The following WFDC8 variants were observed in gnomAD, a reference collection of about 807,000 sequenced individuals.
The protein encoded by WFDC8 is WAP four-disulfide core domain protein 8.
Under a neutral mutation model 27.0 loss-of-function variants are expected in WFDC8, and 24 were observed. That is an observed-to-expected ratio of 0.89 (90% CI 0.64 to 1.25). The LOEUF (loss-of-function observed/expected upper bound fraction) is 1.25. Among genes scored for constraint, WFDC8 ranks in the 50% most tolerant of loss-of-function variants. The pLI is 0.00. For synonymous variants in WFDC8, 106 were observed against 99.7 expected, an observed-to-expected ratio of 1.06 and a Z score of -0.38; for missense variants, 287 against 295.9, an observed-to-expected ratio of 0.97 and a Z score of 0.22.
At chr20:45,575,832 C>T (rs1163957831) in intron 1 of WFDC8, among the ~76,000 whole-genome samples, 2 of 151,294 alleles carry the variant, frequency 1.3e-5, no homozygotes, top group Non-Finnish European at 3.0e-5. Flanking sequence ...GCCCTGTTTC[C>T]ATGGCTGAGA....
intron 1 of WFDC8, among the ~76,000 whole-genome samples, chr20:45,563,589 G>A (rs1434570180): frequency 6.6e-6 from 1 of 152,170 alleles, no homozygotes; most frequent in Admixed American, 6.6e-5. Flanking sequence ...GTAAATCAGT[G>A]TTTATTGTAT....
At position 45,551,851 on chromosome 20, in the gene WFDC8, A is replaced by C; in HGVS notation, c.*175T>G. 2.5e-6 allele frequency: 2 copies of C among 792,674 alleles called. No individual in the cohort carries two copies. The allele number at this position is 792,674 out of a possible 1,614,324, so 49.1% of individuals were successfully genotyped here. A position where few individuals can be genotyped will look rare whatever the true frequency, so the allele number is the denominator to read the frequency against. On this transcript the variant is annotated 3_prime_UTR_variant, in exon 6 of 6. Coordinates refer to ENST00000289953, the MANE Select transcript of WFDC8 (RefSeq NM_130896.3). ...AAATAAAGTCATGAAGTTGAAAAAA[A>C]GCCAAATATATCATCACTTTCAGAT...
chr20:45,554,387 G>A (rs1417545510), intron 4 of WFDC8, among the ~76,000 whole-genome samples: 1 of 152,120 alleles, frequency 6.6e-6, no homozygotes, highest in Non-Finnish European at 1.5e-5. Flanking sequence ...TGGAGATGTA[G>A]AGCAGATAGT....
rs373025670 is a variant in WFDC8, at chr20:45,579,234, C to A, written c.14G>T (p.Arg5Leu). The part of the protein sequence containing the change: MWTV[R>L]TEGGHFPLHS... ...ACACCCTCCTCACCCTCCTTCAGTT[C>A]GGACAGTCCACATCAGGCCTCTTCC... The change falls in exon 1 of 6, where the codon CGA (arginine) becomes CTA (leucine). Residue 5 changes from arginine to leucine, a missense_variant. Arg to Leu is a moderately radical substitution (Grantham distance 102). Transcript: ENST00000289953. The A allele has an allele frequency of 1.8e-5, 29 of 1,613,802 alleles. No homozygotes were observed. Among genetic ancestry groups the A allele is most frequent in the African/African-American group, 2.7e-5 (2 of 74,838 alleles).
At chr20:45,571,370 AATT>A (rs1231603804) in intron 1 of WFDC8, among the ~76,000 whole-genome samples, 7 of 152,114 alleles carry the variant, frequency 4.6e-5, no homozygotes, top group South Asian at 2.1e-4. Flanking sequence ...GACTAATAAT[AATT>A]ATTTATATTT....
At chr20:45,568,034 G>A (rs1980739961) in intron 1 of WFDC8, 4 of 301,502 alleles carry the variant, frequency 1.3e-5, no homozygotes, top group South Asian at 4.4e-5. Context: ...ACTTGCTACT[G>A]CTCTAGTTCA....
chr20:45,576,035 C>T (rs1312041562), intron 1 of WFDC8, among the ~76,000 whole-genome samples: 1 of 151,412 alleles, frequency 6.6e-6, no homozygotes, highest in Admixed American at 6.6e-5. Flanking sequence ...TAAGCCTCGT[C>T]CAAAGATATT....
Position 45,560,712 on chromosome 20 carries a change from G to A in WFDC8, c.136+1398C>T, listed in dbSNP as rs531449371. On this transcript the variant is annotated intron_variant, in intron 2 of 5. Transcript: ENST00000289953. ...TTACAATCCAGGACTCACTTCAGGA[G>A]CCCCACGTCTTCCCTGAGGACTGGC... 3.3e-5 allele frequency among the ~76,000 whole-genome samples: 5 copies of A among 152,326 alleles called. No homozygotes were observed. The East Asian group carries it at 9.6e-4, about 29-fold the overall frequency.
chr20:45,559,026 T>C, intron 2 of WFDC8, 34 bp from the exon 3 acceptor site: 1 of 1,611,294 alleles, frequency 6.2e-7, no homozygotes, highest in Non-Finnish European at 8.5e-7. Flanking sequence ...TCACATTCTT[T>C]CGGAATTTCA....
intron 1 of WFDC8, among the ~76,000 whole-genome samples, chr20:45,572,662 A>C (rs1337368547): frequency 2.0e-5 from 3 of 152,192 alleles, no homozygotes; most frequent in African/African-American, 7.2e-5. Flanking sequence ...GCTGGAGTGC[A>C]GTGGTGTGAT....
chr20:45,567,110 G>A (rs76717557), intron 1 of WFDC8, among the ~76,000 whole-genome samples: 10 of 151,914 alleles, frequency 6.6e-5, no homozygotes, highest in Admixed American at 2.0e-4. Context: ...GATGCAGAAC[G>A]TGTGGATATG....
chr20:45,551,336 G>A (rs1420042072), downstream of WFDC8: 1 of 152,058 alleles, frequency 6.6e-6, no homozygotes, highest in African/African-American at 2.4e-5. Context: ...GGCTTAAAAA[G>A]GAAATAACTG....
intron 2 of WFDC8, among the ~76,000 whole-genome samples, chr20:45,561,739 C>CGT (rs10534885): frequency 0.24 from 35,068 of 147,098 alleles, 4,217 homozygotes; most frequent in East Asian, 0.38. Context: ...ATTAAACTTG[C>CGT]GTGTGTGTGT....
chr20:45,573,127 C>T (rs1054912739), intron 1 of WFDC8, among the ~76,000 whole-genome samples: 1 of 152,154 alleles, frequency 6.6e-6, no homozygotes, highest in African/African-American at 2.4e-5. Flanking sequence ...TTAATGTAAT[C>T]TCACTTGTCT....
chr20:45,568,382 C>T (rs1980756013), intron 1 of WFDC8: 1 of 260,678 alleles, frequency 3.8e-6, no homozygotes, highest in East Asian at 8.3e-5. Context: ...CTAGCACTCT[C>T]CTCATGGAGG....
intron 2 of WFDC8, among the ~76,000 whole-genome samples, chr20:45,559,277 T>C (rs764888881): frequency 6.0e-4 from 92 of 152,108 alleles, no homozygotes; most frequent in Non-Finnish European, 1.0e-3. Flanking sequence ...ATTCAAAAGA[T>C]TTTCTCTCTT....
chr20:45,578,773 T>C (rs1417968283), intron 1 of WFDC8, among the ~76,000 whole-genome samples: 5 of 152,338 alleles, frequency 3.3e-5, no homozygotes, highest in African/African-American at 1.2e-4. Context: ...AATGTTTAGA[T>C]ACATATTATA....
intron 1 of WFDC8, among the ~76,000 whole-genome samples, chr20:45,563,270 T>A (rs2903786): frequency 2.0e-5 from 3 of 151,996 alleles, no homozygotes; most frequent in Admixed American, 1.3e-4. Context: ...ACAGCATATC[T>A]TGGATCCTCA....
At chr20:45,558,006 A>C (rs6104219) in intron 3 of WFDC8, among the ~76,000 whole-genome samples, 144,598 of 152,234 alleles carry the variant, frequency 0.95, 68,768 homozygotes, top group East Asian at 1. Flanking sequence ...ACAAGATCAC[A>C]GTGAAACCTG....
Sources: gnomAD v4.1 joint callset for allele counts (sites outside exome capture counted in the v4.1 genomes callset) on GRCh38, gnomAD v4.1.1 for gene constraint, MANE v1.5 for transcripts, NCBI Gene and HGNC (gene_info 2026-07-23, HGNC 2026-07-21) for gene names.